The following SYN3 variants were observed in gnomAD, a reference collection of about 807,000 sequenced individuals.
The protein encoded by SYN3 is synapsin-3.
In SYN3, 35 loss-of-function variants were observed where a neutral mutation model predicts 65.8. That is an observed-to-expected ratio of 0.53 (90% CI 0.41 to 0.70). The LOEUF (loss-of-function observed/expected upper bound fraction) is 0.70, where lower values mean the gene tolerates loss of function less well. Ranked by LOEUF, SYN3 falls within the 30% of genes least tolerant of loss-of-function variation. The probability of loss-of-function intolerance (pLI) is 0.00; values close to 1 mark genes in which losing one functional copy is unlikely to be tolerated. For missense variants in SYN3, 680 were observed against 749.0 expected (o/e 0.91, Z 1.08); for synonymous variants, 270 against 292.9 (o/e 0.92, Z 0.80).
At chr22:32,824,021 G>A (rs2047331719) in intron 6 of SYN3, among the ~76,000 whole-genome samples, 1 of 152,192 alleles carries the variant, frequency 6.6e-6, no homozygotes, top group Admixed American at 6.5e-5. Context: ...ACTCACGCCT[G>A]TAATCCCAGC....
chr22:32,960,165 TA>T (rs1347535105), intron 3 of SYN3, among the ~76,000 whole-genome samples: 2 of 152,152 alleles, frequency 1.3e-5, no homozygotes, highest in African/African-American at 4.8e-5. Flanking sequence ...ATGCCCTTCC[TA>T]GGTTAGCCAA....
At chr22:32,526,354 A>G (rs1184561970) in intron 12 of SYN3, among the ~76,000 whole-genome samples, 2 of 152,186 alleles carry the variant, frequency 1.3e-5, no homozygotes, top group Non-Finnish European at 2.9e-5. Flanking sequence ...AGAAAAATGA[A>G]TGGGACATTT....
chr22:32,941,404 A>G (rs1348378303), intron 3 of SYN3, among the ~76,000 whole-genome samples: 2 of 152,092 alleles, frequency 1.3e-5, no homozygotes, highest in Non-Finnish European at 2.9e-5. Context: ...CCACTCTCTC[A>G]TTTGTATTAT....
intron 6 of SYN3, among the ~76,000 whole-genome samples, chr22:32,838,841 A>G (rs1294364180): frequency 6.6e-6 from 1 of 151,782 alleles, no homozygotes; most frequent in African/African-American, 2.4e-5. Context: ...CCCTGGCCAC[A>G]ATCTAGGCTC....
At chr22:32,857,576 A>G (rs1353341796) in intron 6 of SYN3, among the ~76,000 whole-genome samples, 1 of 152,156 alleles carries the variant, frequency 6.6e-6, no homozygotes, top group African/African-American at 2.4e-5. Flanking sequence ...CACCTGGGGG[A>G]GGAAATCTCC....
intron 12 of SYN3, among the ~76,000 whole-genome samples, chr22:32,519,011 A>G (rs1022305875): frequency 1.3e-5 from 2 of 152,228 alleles, no homozygotes; most frequent in African/African-American, 4.8e-5. Flanking sequence ...AAGAAAGGAC[A>G]CACGAGGATA....
intron 3 of SYN3, among the ~76,000 whole-genome samples, chr22:32,960,102 C>T (rs1037804384): frequency 1.3e-5 from 2 of 152,210 alleles, no homozygotes; most frequent in Non-Finnish European, 2.9e-5. Context: ...CTATGTCTTT[C>T]ATTGTCTGTA....
rs370258471 is a variant in SYN3 at position 32,670,921 on chromosome 22, C to T, written c.712-74185G>A. The stretch of plus-strand genomic sequence containing the variant: ...CTAAAAAGGCAGCGCTGACAGCACA[C>T]CCCTAGGTGACCACTACGGTGTTCA... On this transcript the variant is annotated intron_variant, in intron 6 of 13. Coordinates refer to ENST00000358763, the MANE Select transcript of SYN3 (RefSeq NM_003490.4). Among the ~76,000 whole-genome samples the T allele has an allele frequency of 2.6e-5, 4 of 152,358 alleles. No individual in the cohort carries two copies. The East Asian group carries it at 7.7e-4, about 29-fold the overall frequency.
intron 4 of SYN3, among the ~76,000 whole-genome samples, chr22:32,900,053 C>T (rs537733242): frequency 0.08 from 91 of 1,138 alleles, 41 homozygotes; most frequent in African/African-American, 0.14. Context: ...CCGGCCTGGG[C>T]GACAGAGCGA....
chr22:32,849,473 G>A, intron 6 of SYN3: 1 of 1,613,802 alleles, frequency 6.2e-7, no homozygotes, highest in Non-Finnish European at 8.5e-7. Context: ...AAGGTGGTGG[G>A]GAAGAAGCTG....
chr22:33,019,766 C>A (rs1189089714), intron 1 of SYN3, among the ~76,000 whole-genome samples: 1 of 152,142 alleles, frequency 6.6e-6, no homozygotes, highest in African/African-American at 2.4e-5. Flanking sequence ...ACTACAGGCA[C>A]GTGCCACCAC....
rs1188778724 is a variant in SYN3, at chr22:32,837,070, A to G, written c.711+27845T>C. ...CCCAGAGTCCCTCAGCTCTCCTAGCAAACAAAATCCCAATTAGGAGAAAAA... is the reference window on the plus strand; with the variant it reads ...CCCAGAGTCCCTCAGCTCTCCTAGCGAACAAAATCCCAATTAGGAGAAAAA... On this transcript the variant is annotated intron_variant, in intron 6 of 13. Coordinates refer to ENST00000358763, the MANE Select transcript of SYN3 (RefSeq NM_003490.4). This position sits in a 1 kb window ranked among gnomAD's most constrained non-coding sequence, Gnocchi z 4.1. Among the ~76,000 whole-genome samples, 1 of 152,194 alleles carries G rather than the reference A, an allele frequency of 6.6e-6. No individual in the cohort carries two copies. The highest frequency in any genetic ancestry group is 1.5e-5 in the Non-Finnish European group (1 of 68,040).
intron 6 of SYN3, among the ~76,000 whole-genome samples, chr22:32,850,376 G>A (rs1217650194): frequency 6.6e-6 from 1 of 152,022 alleles, no homozygotes; most frequent in Non-Finnish European, 1.5e-5. Flanking sequence ...GGCATTCTAA[G>A]CACCCTGGGA....
intron 4 of SYN3, among the ~76,000 whole-genome samples, chr22:32,874,355 C>T (rs957956523): frequency 6.6e-6 from 1 of 152,142 alleles, no homozygotes; most frequent in African/African-American, 2.4e-5. Flanking sequence ...ATTTGGGCTC[C>T]TGATCCCAAG....
intron 7 of SYN3, among the ~76,000 whole-genome samples, chr22:32,582,335 A>T (rs1214452726): frequency 2.1e-5 from 3 of 145,694 alleles, no homozygotes; most frequent in Non-Finnish European, 4.5e-5. Context: ...GCAGGTCTGG[A>T]AACAGGTCTG....
intron 7 of SYN3, among the ~76,000 whole-genome samples, chr22:32,543,480 AGT>A (rs1396063926): frequency 6.6e-6 from 1 of 152,168 alleles, no homozygotes; most frequent in Non-Finnish European, 1.5e-5. Context: ...TGGCTCTCTG[AGT>A]GATGACTCCA....
chr22:32,737,305 ATCTTT>A (rs1266103518), intron 6 of SYN3, among the ~76,000 whole-genome samples: 7 of 152,024 alleles, frequency 4.6e-5, no homozygotes, highest in South Asian at 2.1e-4. Context: ...ATTCTTCTGG[ATCTTT>A]TCTTTTCTTT....
intron 6 of SYN3, among the ~76,000 whole-genome samples, chr22:32,679,428 T>C (rs1305550470): frequency 2.0e-5 from 3 of 152,200 alleles, no homozygotes; most frequent in African/African-American, 7.2e-5. Context: ...CGAATAATGC[T>C]GCAATGAACA....
intron 6 of SYN3, among the ~76,000 whole-genome samples, chr22:32,802,422 T>A (rs1569235730): frequency 6.6e-6 from 1 of 151,424 alleles, no homozygotes; most frequent in African/African-American, 2.4e-5. Context: ...CCCCATTCAC[T>A]ACTAACGGAG....
Sources: gnomAD v4.1 joint callset for allele counts (sites outside exome capture counted in the v4.1 genomes callset) on GRCh38, gnomAD v4.1.1 for gene constraint, Gnocchi (gnomAD v3.1) non-coding constraint, MANE v1.5 for transcripts, NCBI Gene and HGNC (gene_info 2026-07-23, HGNC 2026-07-21) for gene names.